CTNNA2: variants seen among roughly 807,000 people sequenced by gnomAD.
CTNNA2 encodes the protein catenin alpha 2.
A neutral mutation model predicts 101.0 loss-of-function variants in CTNNA2; 42 were observed. The observed-to-expected ratio is 0.42, with a 90% CI of 0.32 to 0.54. The LOEUF (loss-of-function observed/expected upper bound fraction) is 0.54, where lower values mean the gene tolerates loss of function less well. Ranked by LOEUF, CTNNA2 falls within the 20% of genes least tolerant of loss-of-function variation. The pLI is 0.14. For synonymous variants in CTNNA2, 450 were observed against 456.4 expected (o/e 0.99, Z 0.18); for missense variants, 871 against 1,223.1 (o/e 0.71, Z 4.29).
chr2:79,578,530 A>G (rs929011420), intron 1 of CTNNA2, among the ~76,000 whole-genome samples: 1 of 152,168 alleles, frequency 6.6e-6, no homozygotes, highest in Admixed American at 6.5e-5. Flanking sequence ...ATGTAAGTCT[A>G]TGATTTATTT....
chr2:79,538,145 CTTG>C (rs1308887940), intron 1 of CTNNA2, among the ~76,000 whole-genome samples: 20 of 152,014 alleles, frequency 1.3e-4, no homozygotes, highest in African/African-American at 2.4e-5. Flanking sequence ...CAAACTCAAA[CTTG>C]TTGTTTCAAA....
At chr2:79,265,625 A>C (rs1674977600) in intron 2 of CTNNA2, among the ~76,000 whole-genome samples, 2 of 152,230 alleles carry the variant, frequency 1.3e-5, no homozygotes, top group South Asian at 4.1e-4. Flanking sequence ...GAGGCATCTC[A>C]AAGCCAAGGG....
intron 7 of CTNNA2, among the ~76,000 whole-genome samples, chr2:80,278,211 T>C (rs1468017888): frequency 6.6e-6 from 1 of 152,134 alleles, no homozygotes; most frequent in African/African-American, 2.4e-5. Flanking sequence ...GCCCCAAATA[T>C]AGTAAATATT....
At chr2:79,860,240 C>A (rs918677000) in intron 4 of CTNNA2, among the ~76,000 whole-genome samples, 1 of 152,166 alleles carries the variant, frequency 6.6e-6, no homozygotes, top group South Asian at 2.1e-4. Flanking sequence ...GGAAATAATA[C>A]GACTGAACCT....
intron 3 of CTNNA2, among the ~76,000 whole-genome samples, chr2:79,329,646 G>T (rs573238260): frequency 6.6e-6 from 1 of 152,010 alleles, no homozygotes; most frequent in African/African-American, 2.4e-5. Flanking sequence ...CTATCCTCAC[G>T]AATTCCAGGC....
rs750592839 is a variant in CTNNA2, at chr2:79,930,342, AAGAAAG to A, written c.1056+20547_1056+20552del. Reference sequence around the variant, plus strand: ...AAAGAAAGAAAGAAAGAAAGAAAGAAAGAAAGAAAGAAAGAATGAACACGGGTTCTA... The same window carrying A: ...AAAGAAAGAAAGAAAGAAAGAAAGAAAAAGAAAGAATGAACACGGGTTCTA... On this transcript the variant is annotated intron_variant, in intron 7 of 18. Coordinates refer to ENST00000402739, the MANE Select transcript of CTNNA2 (RefSeq NM_001282597.3). Among the ~76,000 whole-genome samples the A allele has an allele frequency of 9.5e-4, 133 of 140,364 alleles. 1 individual carries two copies. Among genetic ancestry groups the A allele is most frequent in the Admixed American group, 1.9e-3 (27 of 14,388 alleles). 92.1% of individuals were successfully genotyped at this position (140,364 alleles called of 152,430 possible).
intron 1 of CTNNA2, among the ~76,000 whole-genome samples, chr2:79,570,422 T>C (rs2103816826): frequency 6.6e-6 from 1 of 152,278 alleles, no homozygotes; most frequent in Admixed American, 6.5e-5. Context: ...TTTGTAAATG[T>C]GGAAAAGAAT....
At chr2:80,556,021 G>A in intron 12 of CTNNA2, 128 bp downstream of exon 12, 1 of 567,820 alleles carries the variant, frequency 1.8e-6, no homozygotes, top group Non-Finnish European at 2.9e-6. Context: ...TGGAATGGGT[G>A]GAATACTTGA....
intron 6 of CTNNA2, among the ~76,000 whole-genome samples, chr2:79,880,467 G>A (rs952020515): frequency 2.0e-5 from 3 of 151,984 alleles, no homozygotes; most frequent in Admixed American, 6.5e-5. Context: ...TTGGTTGGTA[G>A]GCTATTAATT....
At chr2:79,280,657 A>AGAGAGAGAGAGAGAGAG (rs1334847406) in intron 2 of CTNNA2, among the ~76,000 whole-genome samples, 8 of 50,280 alleles carry the variant, frequency 1.6e-4, no homozygotes, top group Admixed American at 7.4e-4. Flanking sequence ...GTGTGTGTGT[A>AGAGAGAGAGAGAGAGAG]AGAGAAAGAG....
intron 8 of CTNNA2, among the ~76,000 whole-genome samples, chr2:80,418,200 A>C (rs1199173162): frequency 2.0e-5 from 3 of 152,164 alleles, no homozygotes; most frequent in Non-Finnish European, 4.4e-5. Context: ...CCATTTGTTA[A>C]CTTATGACTG....
intron 7 of CTNNA2, among the ~76,000 whole-genome samples, chr2:80,378,406 A>G (rs542147470): frequency 7.1e-6 from 1 of 141,592 alleles, no homozygotes; most frequent in Non-Finnish European, 1.6e-5. Context: ...AAATAAATAA[A>G]TAACAGAGAA....
intron 2 of CTNNA2, among the ~76,000 whole-genome samples, chr2:79,305,373 C>CATATATATATATAT (rs56285145): frequency 3.0e-4 from 41 of 138,242 alleles, no homozygotes; most frequent in African/African-American, 1.1e-3. Flanking sequence ...TATATATACA[C>CATATATATATATAT]ATATATATAT....
chr2:79,582,492 C>A (rs1177817899), intron 1 of CTNNA2, among the ~76,000 whole-genome samples: 4 of 152,088 alleles, frequency 2.6e-5, no homozygotes, highest in Admixed American at 2.0e-4. Context: ...TCTCCGCATG[C>A]TCAAATATGG....
intron 7 of CTNNA2, among the ~76,000 whole-genome samples, chr2:80,113,028 G>A (rs1413449431): frequency 1.3e-5 from 2 of 152,140 alleles, no homozygotes; most frequent in African/African-American, 4.8e-5. Context: ...AGCCAGTGCT[G>A]TGTGGCTGTC....
At position 79,746,632 on chromosome 2, in the gene CTNNA2, G is replaced by A. The variant is rs376443180; in HGVS notation, c.298+2050G>A. Among the ~76,000 whole-genome samples, 223 of 152,188 alleles carry A rather than the reference G, an allele frequency of 1.5e-3. 3 individuals are homozygous for A. The highest frequency in any genetic ancestry group is 4.7e-3 in the African/African-American group (196 of 41,522). On this transcript the variant is annotated intron_variant, in intron 3 of 18. Coordinates refer to ENST00000402739, the MANE Select transcript of CTNNA2 (RefSeq NM_001282597.3). ...CCTAGATCTTACCTCCTATATATCT[G>A]TTTAATGGACCACTTCCTGTCTTAG...
At chr2:79,869,284 A>G (rs1353722278) in intron 4 of CTNNA2, among the ~76,000 whole-genome samples, 7 of 152,178 alleles carry the variant, frequency 4.6e-5, no homozygotes, top group African/African-American at 1.7e-4. Context: ...CAAGGAATCA[A>G]TATTTCCTCT....
chr2:80,136,662 T>G (rs1250310882), intron 7 of CTNNA2, among the ~76,000 whole-genome samples: 1 of 152,198 alleles, frequency 6.6e-6, no homozygotes, highest in African/African-American at 2.4e-5. Flanking sequence ...TTTGGTGACT[T>G]TCTTTTTGTC....
chr2:79,704,663 C>G (rs1685235815), intron 2 of CTNNA2, among the ~76,000 whole-genome samples: 1 of 151,620 alleles, frequency 6.6e-6, no homozygotes, highest in Admixed American at 6.6e-5. Context: ...CAGGCACCCG[C>G]CACCACGCCT....
Sources: gnomAD v4.1 joint callset for allele counts (sites outside exome capture counted in the v4.1 genomes callset) on GRCh38, gnomAD v4.1.1 for gene constraint, MANE v1.5 for transcripts, NCBI Gene and HGNC (gene_info 2026-07-23, HGNC 2026-07-21) for gene names.